PTPRD: variants seen among roughly 807,000 people sequenced by gnomAD.
PTPRD encodes the protein protein tyrosine phosphatase receptor type D, also known as receptor-type tyrosine-protein phosphatase delta.
A neutral mutation model predicts 214.5 loss-of-function variants in PTPRD; 34 were observed. The observed-to-expected ratio is 0.16, with a 90% CI of 0.12 to 0.21. The LOEUF is 0.21. Ranked by LOEUF, PTPRD falls within the 10% of genes least tolerant of loss-of-function variation. The pLI is 1.00. For missense variants in PTPRD, 2,545 were observed against 2,398.7 expected (o/e 1.06, Z -1.27); for synonymous variants, 1,128 against 845.7 (o/e 1.33, Z -5.79).
intron 8 of PTPRD, among the ~76,000 whole-genome samples, chr9:9,520,585 T>C (rs1444929737): frequency 6.6e-6 from 1 of 152,130 alleles, no homozygotes; most frequent in East Asian, 1.9e-4. Flanking sequence ...ACAATAACTT[T>C]CAAAGGCGCA....
intron 2 of PTPRD, among the ~76,000 whole-genome samples, chr9:10,363,267 C>A (rs1276342753): frequency 6.6e-6 from 1 of 152,042 alleles, no homozygotes; most frequent in African/African-American, 2.4e-5. Context: ...GGCTATTGGT[C>A]CAAGGACAAC....
intron 6 of PTPRD, among the ~76,000 whole-genome samples, chr9:9,759,554 T>C (rs1175644039): frequency 2.1e-5 from 3 of 142,586 alleles, no homozygotes; most frequent in African/African-American, 5.6e-5. Context: ...TCAAGGTCTG[T>C]CTTTTTTTTT....
At chr9:8,925,218 G>A (rs116094042) in intron 11 of PTPRD, among the ~76,000 whole-genome samples, 6,619 of 152,088 alleles carry the variant, frequency 0.044, 511 homozygotes, top group African/African-American at 0.15. Flanking sequence ...ACTCCAGCCT[G>A]AGCATTTTTC....
intron 8 of PTPRD, among the ~76,000 whole-genome samples, chr9:9,498,887 A>G (rs2096294519): frequency 6.6e-6 from 1 of 152,054 alleles, no homozygotes; most frequent in South Asian, 2.1e-4. Context: ...CACAATCACA[A>G]TTAAATCAGA....
intron 3 of PTPRD, among the ~76,000 whole-genome samples, chr9:10,162,684 T>TAC (rs2099135136): frequency 1.4e-5 from 2 of 147,218 alleles, no homozygotes; most frequent in Non-Finnish European, 3.0e-5. Flanking sequence ...TACATGTATA[T>TAC]ATGTGTATAT....
At chr9:8,862,132 A>G (rs1028624782) in intron 11 of PTPRD, 5 of 152,260 alleles carry the variant, frequency 3.3e-5, no homozygotes, top group African/African-American at 1.2e-4. Flanking sequence ...CAAGGCAGGC[A>G]GATCACTTGA....
intron 10 of PTPRD, among the ~76,000 whole-genome samples, chr9:9,054,988 C>A (rs556234919): frequency 3.3e-5 from 5 of 151,944 alleles, no homozygotes; most frequent in African/African-American, 1.2e-4. Context: ...CTACCAGTCA[C>A]AAAAATCTGA....
At chr9:10,369,387 G>A (rs2097570970) in intron 2 of PTPRD, among the ~76,000 whole-genome samples, 1 of 152,042 alleles carries the variant, frequency 6.6e-6, no homozygotes, top group Non-Finnish European at 1.5e-5. Flanking sequence ...TCTTGTCCTG[G>A]TGGTGTGGTG....
In PTPRD at chr9:9,403,842, T is replaced by C. The variant is rs1325224783; in HGVS notation, c.-236-6360A>G. On this transcript the variant is annotated intron_variant, in intron 8 of 45. Transcript: ENST00000381196. Reference sequence around the variant, plus strand: ...GCATGGAGAGGCAAGAGAAAGACCATACACAGCTAAACAAATAAAGGAATA... The same window carrying C: ...GCATGGAGAGGCAAGAGAAAGACCACACACAGCTAAACAAATAAAGGAATA... Among the ~76,000 whole-genome samples, 3 of 152,000 alleles carry C rather than the reference T, an allele frequency of 2.0e-5. No homozygotes were observed. The East Asian group carries it at 5.8e-4, about 29-fold the overall frequency.
intron 9 of PTPRD, among the ~76,000 whole-genome samples, chr9:9,219,178 T>C (rs978425288): frequency 6.6e-6 from 1 of 152,118 alleles, no homozygotes; most frequent in Non-Finnish European, 1.5e-5. Flanking sequence ...ATTGTTAAAA[T>C]TTTCTGGGCT....
At chr9:10,496,796 C>A (rs997248422) in intron 2 of PTPRD, among the ~76,000 whole-genome samples, 2 of 151,848 alleles carry the variant, frequency 1.3e-5, no homozygotes, top group African/African-American at 2.4e-5. Context: ...CACACTTTAA[C>A]GGGGTTATGT....
intron 6 of PTPRD, among the ~76,000 whole-genome samples, chr9:9,750,171 C>A (rs2098502901): frequency 6.6e-6 from 1 of 152,098 alleles, no homozygotes; most frequent in Non-Finnish European, 1.5e-5. Context: ...TAGCGCATAT[C>A]CTAAATGCAA....
intron 5 of PTPRD, among the ~76,000 whole-genome samples, chr9:9,882,419 G>T (rs2069060990): frequency 6.6e-6 from 1 of 152,078 alleles, no homozygotes; most frequent in African/African-American, 2.4e-5. Context: ...GGTGAAGTTG[G>T]TTTCTTCTGC....
At chr9:8,843,058 T>G (rs560182179) in intron 11 of PTPRD, among the ~76,000 whole-genome samples, 1 of 152,304 alleles carries the variant, frequency 6.6e-6, no homozygotes, top group East Asian at 1.9e-4. Flanking sequence ...GAGCCCCCTC[T>G]TCCAACTATA....
chr9:9,731,318 C>T (rs977346440), intron 7 of PTPRD, among the ~76,000 whole-genome samples: 25 of 152,032 alleles, frequency 1.6e-4, no homozygotes, highest in African/African-American at 5.3e-4. Context: ...TTTCATTTCT[C>T]TCAAATGGCA....
At chr9:8,600,731 C>T (rs918078494) in intron 14 of PTPRD, among the ~76,000 whole-genome samples, 1 of 151,742 alleles carries the variant, frequency 6.6e-6, no homozygotes, top group Non-Finnish European at 1.5e-5. Flanking sequence ...GACTAAAGAG[C>T]CCTTAGTCCC....
intron 9 of PTPRD, among the ~76,000 whole-genome samples, chr9:9,237,479 G>A (rs1233899693): frequency 6.6e-6 from 1 of 151,930 alleles, no homozygotes; most frequent in Non-Finnish European, 1.5e-5. Context: ...CAAAAACTGA[G>A]TATTTAAAAA....
chr9:8,331,150 TATTGACTGGCAGAACTTA>T (rs1840309637), intron 44 of PTPRD, among the ~76,000 whole-genome samples: 1 of 148,556 alleles, frequency 6.7e-6, no homozygotes. Context: ...ACTAAGCACT[TATTGACTGGCAGAACTTA>T]ATATTGTCAT....
chr9:8,555,622 C>T (rs1268307318), intron 14 of PTPRD, among the ~76,000 whole-genome samples: 2 of 152,218 alleles, frequency 1.3e-5, no homozygotes, highest in African/African-American at 2.4e-5. Context: ...GGCTTTCTAT[C>T]ATCTTCCTTT....
Sources: gnomAD v4.1 joint callset for allele counts (sites outside exome capture counted in the v4.1 genomes callset) on GRCh38, gnomAD v4.1.1 for gene constraint, MANE v1.5 for transcripts, NCBI Gene and HGNC (gene_info 2026-07-23, HGNC 2026-07-21) for gene names.